The following ZFHX2 variants were observed in gnomAD, a reference collection of about 807,000 sequenced individuals.
ZFHX2 encodes the protein zinc finger homeobox protein 2.
Under a neutral mutation model 164.8 loss-of-function variants are expected in ZFHX2, and 75 were observed. That is an observed-to-expected ratio of 0.46 (90% CI 0.38 to 0.55). The LOEUF (loss-of-function observed/expected upper bound fraction) is 0.55. ZFHX2 is among the 20% of genes least tolerant of loss of function. The probability of loss-of-function intolerance (pLI) is 0.00; values close to 1 mark genes in which losing one functional copy is unlikely to be tolerated. For missense variants in ZFHX2, 2,933 were observed against 3,308.0 expected (o/e 0.89, Z 2.78); for synonymous variants, 1,217 against 1,351.4 (o/e 0.90, Z 2.18).
At chr14:23,554,956 C>T (rs968941467), upstream of ZFHX2, among the ~76,000 whole-genome samples, 9 of 152,160 alleles carry the variant, frequency 5.9e-5, no homozygotes, top group Non-Finnish European at 7.3e-5. Flanking sequence ...TCTCCCAAAG[C>T]ATTCAAAGGG....
chr14:23,536,301 C>G (rs188542530), intron 1 of ZFHX2, among the ~76,000 whole-genome samples: 52 of 152,314 alleles, frequency 3.4e-4, no homozygotes, highest in African/African-American at 1.2e-3. Flanking sequence ...TTTTGAATGG[C>G]AGAATTCTAG....
At chr14:23,554,545 TA>T (rs1241498204), upstream of ZFHX2, among the ~76,000 whole-genome samples, 754 of 142,286 alleles carry the variant, frequency 5.3e-3, 4 homozygotes, top group African/African-American at 0.019. Context: ...CCCGGCTAAT[TA>T]AAATTTTTTT....
In ZFHX2 at chr14:23,522,501, C is replaced by CA; in HGVS notation, c.7179dup (p.Gly2394TrpfsTer16). 2.0e-6 allele frequency: 3 copies of CA among 1,533,176 alleles called. No homozygotes were observed. The highest frequency in any genetic ancestry group is 2.6e-6 in the Non-Finnish European group (3 of 1,144,958). 95.0% of individuals were successfully genotyped at this position (1,533,176 alleles called of 1,614,324 possible). A position where few individuals can be genotyped will look rare whatever the true frequency, so the allele number is the denominator to read the frequency against. On this transcript the variant is annotated frameshift_variant, in exon 10 of 10. Coordinates refer to ENST00000419474, the MANE Select transcript of ZFHX2 (RefSeq NM_033400.3). LOFTEE classifies it high-confidence loss of function. ...TGGAGGAGGGCATTGGGGAGCAGCC[C>CA]AATGAGGGTCTGAGGTATCATGGGG...
chr14:23,525,105 A>G lies in ZFHX2; in HGVS notation c.4837T>C (p.Phe1613Leu). 1 of 1,536,146 alleles carries G rather than the reference A, an allele frequency of 6.5e-7. No homozygotes were observed. The highest frequency in any genetic ancestry group is 8.7e-7 in the Non-Finnish European group (1 of 1,146,912). Residue 1613 changes from phenylalanine (F) to leucine (L), a missense_variant, in exon 9 of 10, where the codon TTC becomes CTC. By Grantham distance (22) the Phe-to-Leu change is conservative. Coordinates refer to ENST00000419474, the MANE Select transcript of ZFHX2 (RefSeq NM_033400.3). This position sits in a 1 kb window ranked among gnomAD's most constrained non-coding sequence, Gnocchi z 5.9. Reference sequence around the variant, plus strand: ...TTGGGGTAGGCGCTAGTCTCAAAGAAAGACTGCAGGGCTTGGGTCTGGAAC... The same window carrying G: ...TTGGGGTAGGCGCTAGTCTCAAAGAGAGACTGCAGGGCTTGGGTCTGGAAC... ...TEFQTQALQS[F>L]FETSAYPKDG...
rs1375764013 is a variant in ZFHX2, at chr14:23,526,129, C to T, written c.3813G>A (p.Leu1271=). Residue 1271 remains leucine, a synonymous_variant, in exon 9 of 10, where the codon CTG becomes CTA. Transcript: ENST00000419474. ...TGGTTCCCCGAGAGCGAGTCTGATG[C>T]AGAACTGACCGCATGTGGATCTCCA... is the stretch of plus-strand genomic sequence containing the variant. ...STLEIHMRSV[L]HQTRSRGTKT... The T allele has an allele frequency of 1.3e-6, 2 of 1,536,468 alleles. No homozygotes were observed. Among genetic ancestry groups the T allele is most frequent in the Non-Finnish European group, 1.7e-6 (2 of 1,146,928 alleles).
chr14:23,531,837 G>A (rs1879598776), intron 3 of ZFHX2, 116 bp from the exon 4 acceptor site: 3 of 1,223,102 alleles, frequency 2.5e-6, no homozygotes, highest in South Asian at 7.4e-5. Flanking sequence ...GAGTGCAGTG[G>A]CATGATCTCT....
chr14:23,554,605 C>T (rs1882208866), upstream of ZFHX2, among the ~76,000 whole-genome samples: 1 of 145,644 alleles, frequency 6.9e-6, no homozygotes, highest in African/African-American at 2.6e-5. Flanking sequence ...CCAGGCTGGT[C>T]TCAAACTCCT....
Position 23,531,598 on chromosome 14 carries a change from G to A in ZFHX2, c.2683C>T (p.Arg895Cys), listed in dbSNP as rs1237231047. 11 of 1,526,072 alleles carry A rather than the reference G, an allele frequency of 7.2e-6. No individual in the cohort carries two copies. Among genetic ancestry groups the A allele is most frequent in the Admixed American group, 2.0e-5 (1 of 49,992 alleles). 94.5% of individuals were successfully genotyped at this position (1,526,072 alleles called of 1,614,324 possible). Reference protein sequence around the residue: ...VLQHLRTPAHRDAQAQRRLQL... With the variant: ...VLQHLRTPAHCDAQAQRRLQL... ...AGACGCCTCTGGGCCTGGGCATCGCGGTGGGCAGGTGTGCGCAGGTGTTGC... is the reference window on the plus strand; with the variant it reads ...AGACGCCTCTGGGCCTGGGCATCGCAGTGGGCAGGTGTGCGCAGGTGTTGC... Residue 895 changes from arginine (R) to cysteine (C), a missense_variant, in exon 4 of 10, where the codon CGC becomes TGC. Transcript: ENST00000419474.
intron 6 of ZFHX2, chr14:23,529,356 A>G (rs1332408052): frequency 3.9e-6 from 1 of 257,478 alleles, no homozygotes; most frequent in Non-Finnish European, 7.5e-6. Context: ...GCTCCTAACT[A>G]AGGGATAAAG....
At chr14:23,555,214 G>C (rs1191097041), upstream of ZFHX2, among the ~76,000 whole-genome samples, 1 of 152,110 alleles carries the variant, frequency 6.6e-6, no homozygotes, top group East Asian at 1.9e-4. Context: ...GGCCAGGCTG[G>C]TCTCGAACTC....
In ZFHX2 at chr14:23,524,828, G is replaced by A; in HGVS notation, c.5114C>T (p.Ala1705Val). The A allele has an allele frequency of 6.5e-7, 1 of 1,536,746 alleles. No homozygotes were observed. The part of the protein sequence containing the change: ...DQTLEEEEEE[A>V]ERGEEEEEVE... Reference sequence around the variant, plus strand: ...CTCTTCCTCCTCTTCCCCTCTCTCTGCCTCTTCCTCCTCCTCTTCAAGGGT... The same window carrying A: ...CTCTTCCTCCTCTTCCCCTCTCTCTACCTCTTCCTCCTCCTCTTCAAGGGT... The change falls in exon 9 of 10, where the codon GCA (alanine) becomes GTA (valine). Residue 1705 changes from alanine to valine, a missense_variant. Coordinates refer to ENST00000419474, the MANE Select transcript of ZFHX2 (RefSeq NM_033400.3). The surrounding 1 kb of genome is among the most constrained non-coding windows in gnomAD (Gnocchi z 5.6).
chr14:23,533,462 C>T lies in ZFHX2; in HGVS notation c.1864G>A (p.Gly622Arg). The change falls in exon 2 of 10, where the codon GGG becomes AGG. Residue 622 changes from glycine to arginine, a missense_variant. Gly to Arg is a moderately radical substitution (Grantham distance 125, BLOSUM62 -2). Coordinates refer to ENST00000419474, the MANE Select transcript of ZFHX2 (RefSeq NM_033400.3). The surrounding 1 kb of genome is among the most constrained non-coding windows in gnomAD (Gnocchi z 4.8). ...TCAGGGGGGCTAGTGGGGGTAGCCC[C>T]TGGTGGGGGAGGAGGGCCTGGCCCC... Reference protein sequence around the residue: ...LMGPGPPPPPGATPTSPPELF... With the variant: ...LMGPGPPPPPRATPTSPPELF... 6.5e-7 allele frequency: 1 copy of T among 1,535,046 alleles called. No individual in the cohort carries two copies. Among genetic ancestry groups the T allele is most frequent in the Non-Finnish European group, 8.7e-7 (1 of 1,146,140 alleles).
chr14:23,555,089 G>C (rs1005371293), upstream of ZFHX2, among the ~76,000 whole-genome samples: 2 of 152,194 alleles, frequency 1.3e-5, no homozygotes, highest in African/African-American at 4.8e-5. Flanking sequence ...CCAGGTTCAA[G>C]CAATTCTCAT....
In ZFHX2 at chr14:23,525,259, C is replaced by G; in HGVS notation, c.4683G>C (p.Gly1561=). The change falls in exon 9 of 10, where the codon GGG becomes GGC. Residue 1561 remains glycine (G), a synonymous_variant. Coordinates refer to ENST00000419474, the MANE Select transcript of ZFHX2 (RefSeq NM_033400.3). This position sits in a 1 kb window ranked among gnomAD's most constrained non-coding sequence, Gnocchi z 5.9. ...GACTTCGCTCTTCAGGGGCACGGGTCCCCCCTGCCTCAGGCTCTGGGACCA... is the reference window on the plus strand; with the variant it reads ...GACTTCGCTCTTCAGGGGCACGGGTGCCCCCTGCCTCAGGCTCTGGGACCA... ...PFLVPEPEAG[G]TRAPEERSRA... is the part of the protein sequence containing the mutation. The G allele has an allele frequency of 5.2e-6, 8 of 1,536,030 alleles. No homozygotes were observed. Among genetic ancestry groups the G allele is most frequent in the South Asian group, 1.2e-5 (1 of 84,064 alleles).
In ZFHX2 at chr14:23,522,788, G is replaced by A; in HGVS notation, c.6893C>T (p.Pro2298Leu). 1 of 1,536,418 alleles carries A rather than the reference G, an allele frequency of 6.5e-7. No individual in the cohort carries two copies. The highest frequency in any genetic ancestry group is 8.7e-7 in the Non-Finnish European group (1 of 1,146,910). ...TSTAGTTDPVPGPPTEPLGDK... is the reference protein window; with the variant it reads ...TSTAGTTDPVLGPPTEPLGDK... ...CCCCAAGGGCTCAGTAGGAGGGCCT[G>A]GGACAGGGTCAGTGGTGCCTGCTGT... The change falls in exon 10 of 10, where the codon CCA (proline) becomes CTA (leucine). Residue 2298 changes from proline to leucine, a missense_variant. By Grantham distance (98) the Pro-to-Leu change is moderately conservative. Coordinates refer to ENST00000419474, the MANE Select transcript of ZFHX2 (RefSeq NM_033400.3).
chr14:23,534,488 C>T lies in ZFHX2; in HGVS notation c.838G>A (p.Glu280Lys), dbSNP rs947299485. The T allele has an allele frequency of 1.3e-6, 2 of 1,536,260 alleles. No homozygotes were observed. Among genetic ancestry groups the T allele is most frequent in the South Asian group, 1.2e-5 (1 of 84,054 alleles). Reference sequence around the variant, plus strand: ...AGGGCCTTGCAGCCTTCATCTCCCTCCTGGAGTACAGCTGGGCTACCTGAC... The same window carrying T: ...AGGGCCTTGCAGCCTTCATCTCCCTTCTGGAGTACAGCTGGGCTACCTGAC... ...GLSGSPAVLQ[E>K]GDEGCKALIS... The change falls in exon 2 of 10, where the codon GAG (glutamate) becomes AAG (lysine). Residue 280 changes from glutamate (E) to lysine (K), a missense_variant. Glu to Lys is a moderately conservative substitution (Grantham distance 56, BLOSUM62 1). Coordinates refer to ENST00000419474, the MANE Select transcript of ZFHX2 (RefSeq NM_033400.3). This position sits in a 1 kb window ranked among gnomAD's most constrained non-coding sequence, Gnocchi z 4.5.
chr14:23,522,709 A>G lies in ZFHX2; in HGVS notation c.6972T>C (p.Asn2324=). 1 of 1,536,612 alleles carries G rather than the reference A, an allele frequency of 6.5e-7. No individual in the cohort carries two copies. The highest frequency in any genetic ancestry group is 8.7e-7 in the Non-Finnish European group (1 of 1,146,948). Residue 2324 remains asparagine (N), a synonymous_variant, in exon 10 of 10, where the codon AAT becomes AAC. Transcript: ENST00000419474. ...KPVAGPTSSS[N]DALKNLKALK... is the part of the protein sequence containing the mutation. The stretch of plus-strand genomic sequence containing the variant: ...ATGCTTTGAGGTTCTTGAGGGCATC[A>G]TTGGAGGAGCTGGTGGGGCCTGCAA...
intron 1 of ZFHX2, among the ~76,000 whole-genome samples, chr14:23,539,885 T>G (rs1435471294): frequency 1.3e-5 from 2 of 152,224 alleles, no homozygotes; most frequent in East Asian, 3.8e-4. Flanking sequence ...ACAAAACTCC[T>G]TTTTCTCCAA....
intron 6 of ZFHX2, chr14:23,528,956 T>A (rs1211734952): frequency 2.0e-6 from 1 of 495,968 alleles, no homozygotes; most frequent in Non-Finnish European, 2.6e-6. Flanking sequence ...ACCTAGCCCC[T>A]GGAGCAGACA....
Sources: gnomAD v4.1 joint callset for allele counts (sites outside exome capture counted in the v4.1 genomes callset) on GRCh38, gnomAD v4.1.1 for gene constraint, Gnocchi (gnomAD v3.1) non-coding constraint, MANE v1.5 for transcripts, NCBI Gene and HGNC (gene_info 2026-07-23, HGNC 2026-07-21) for gene names.